Variants in MAGI2 observed in about 807,000 individuals in gnomAD.
The protein encoded by MAGI2 is membrane-associated guanylate kinase, WW and PDZ domain-containing protein 2.
In MAGI2, 35 loss-of-function variants were observed where a neutral mutation model predicts 133.3. That is an observed-to-expected ratio of 0.26 (90% CI 0.20 to 0.35). MAGI2 has a LOEUF of 0.35. MAGI2 is among the 10% of genes least tolerant of loss of function. The probability of loss-of-function intolerance (pLI) is 1.00; values close to 1 mark genes in which losing one functional copy is unlikely to be tolerated. For missense variants in MAGI2, 1,636 were observed against 1,863.4 expected (o/e 0.88, Z 2.25); for synonymous variants, 729 against 710.6 (o/e 1.03, Z -0.41).
At chr7:78,961,751 C>G (rs1434370488) in intron 2 of MAGI2, among the ~76,000 whole-genome samples, 1 of 152,070 alleles carries the variant, frequency 6.6e-6, no homozygotes, top group African/African-American at 2.4e-5. Context: ...ATTTTATCGT[C>G]TAAATACAGT....
chr7:78,763,724 C>T (rs568606866), intron 2 of MAGI2, among the ~76,000 whole-genome samples: 11 of 136,908 alleles, frequency 8.0e-5, no homozygotes, highest in African/African-American at 2.8e-4. Flanking sequence ...AAGGAAAGTA[C>T]AAAAAAATAA....
At chr7:78,820,314 T>C (rs1038128386) in intron 2 of MAGI2, among the ~76,000 whole-genome samples, 2 of 151,878 alleles carry the variant, frequency 1.3e-5, no homozygotes, top group African/African-American at 2.4e-5. Context: ...ATAATTATAA[T>C]CATAAGAATG....
chr7:78,560,895 C>G (rs1012271258), intron 3 of MAGI2, among the ~76,000 whole-genome samples: 4 of 152,136 alleles, frequency 2.6e-5, no homozygotes, highest in African/African-American at 9.7e-5. Context: ...TGAGGCATAG[C>G]TCAGGATTTA....
intron 10 of MAGI2, among the ~76,000 whole-genome samples, chr7:78,203,258 T>C (rs1829435116): frequency 6.6e-6 from 1 of 152,228 alleles, no homozygotes; most frequent in African/African-American, 2.4e-5. Context: ...CTGGGATTCT[T>C]AGACTTTGAT....
At chr7:79,081,523 T>C (rs1054870852) in intron 1 of MAGI2, among the ~76,000 whole-genome samples, 4 of 152,120 alleles carry the variant, frequency 2.6e-5, no homozygotes, top group African/African-American at 2.4e-5. Context: ...GTTGAATAAA[T>C]GAACAAATAA....
chr7:78,661,702 A>G (rs932051040), intron 2 of MAGI2, among the ~76,000 whole-genome samples: 17 of 152,244 alleles, frequency 1.1e-4, no homozygotes, highest in Admixed American at 2.6e-4. Flanking sequence ...TCTATTCTTA[A>G]ATGACTGTCT....
intron 6 of MAGI2, among the ~76,000 whole-genome samples, chr7:78,450,740 G>A (rs368158963): frequency 2.0e-5 from 3 of 151,988 alleles, no homozygotes; most frequent in South Asian, 2.1e-4. Flanking sequence ...TTTCCACAAG[G>A]TGACGAAATG....
intron 1 of MAGI2, among the ~76,000 whole-genome samples, chr7:79,425,253 GA>G (rs398047789): frequency 0.26 from 32,449 of 125,310 alleles, 4,856 homozygotes; most frequent in African/African-American, 0.47. Context: ...CTCCGTCTCA[GA>G]AAAAAAAAAA....
At chr7:78,503,080 A>C (rs1405200204) in intron 4 of MAGI2, among the ~76,000 whole-genome samples, 1 of 152,214 alleles carries the variant, frequency 6.6e-6, no homozygotes, top group East Asian at 1.9e-4. Flanking sequence ...ACAAAAGAGC[A>C]TCAGACCTTT....
chr7:78,176,384 T>G (rs1826607895), intron 14 of MAGI2, among the ~76,000 whole-genome samples: 1 of 152,066 alleles, frequency 6.6e-6, no homozygotes, highest in South Asian at 2.1e-4. Context: ...AATTCGGAAA[T>G]AAGTCTTTTT....
chr7:78,252,342 A>C (rs917527086), intron 10 of MAGI2: 3 of 152,118 alleles, frequency 2.0e-5, no homozygotes, highest in African/African-American at 7.2e-5. Flanking sequence ...ATGGAACAGA[A>C]TAGGGCATCT....
In MAGI2 at chr7:79,440,727, CA is replaced by C. The variant is rs553892669; in HGVS notation, c.301+12292del. Among the ~76,000 whole-genome samples, 324 of 150,610 alleles carry C rather than the reference CA, an allele frequency of 2.2e-3. 1 individual carries two copies. The highest frequency in any genetic ancestry group is 6.9e-3 in the African/African-American group (283 of 41,086). On this transcript the variant is annotated intron_variant, in intron 1 of 21. Coordinates refer to ENST00000354212, the MANE Select transcript of MAGI2 (RefSeq NM_012301.4). ...TAAGAATTATTTTGGCTGCAAGTAA[CA>C]AAAAAAAATGTAAATGGCTTAAATA...
chr7:78,229,060 T>C (rs550064122), intron 10 of MAGI2, among the ~76,000 whole-genome samples: 1 of 152,010 alleles, frequency 6.6e-6, no homozygotes, highest in East Asian at 1.9e-4. Flanking sequence ...CTGAGCAGAG[T>C]AGATTTGATG....
chr7:78,358,180 A>T (rs1289684202), intron 7 of MAGI2: 3 of 58,530 alleles, frequency 5.1e-5, no homozygotes, highest in Non-Finnish European at 9.9e-5. Flanking sequence ...AAAAAAAAAA[A>T]AAAAAAAAAA....
chr7:79,328,236 G>T (rs566115410), intron 1 of MAGI2, among the ~76,000 whole-genome samples: 13 of 152,126 alleles, frequency 8.5e-5, no homozygotes, highest in African/African-American at 3.1e-4. Flanking sequence ...TTTTTCATAG[G>T]TTCATATAGT....
At chr7:78,102,175 A>G (rs1178762369) in intron 20 of MAGI2, among the ~76,000 whole-genome samples, 2 of 152,184 alleles carry the variant, frequency 1.3e-5, no homozygotes, top group Non-Finnish European at 2.9e-5. Flanking sequence ...GAAACAGAGT[A>G]AAATGATGGT....
intron 21 of MAGI2, among the ~76,000 whole-genome samples, chr7:78,038,178 T>G (rs1238553449): frequency 6.6e-6 from 1 of 152,236 alleles, no homozygotes; most frequent in African/African-American, 2.4e-5. Flanking sequence ...TCTTGTTCAC[T>G]GTTGCAATTT....
chr7:78,957,067 C>G (rs1464945632), intron 2 of MAGI2, among the ~76,000 whole-genome samples: 2 of 152,032 alleles, frequency 1.3e-5, no homozygotes, highest in Admixed American at 1.3e-4. Context: ...AGTTCGAGAT[C>G]AGCCTGACCA....
At chr7:79,076,077 A>T (rs1363576104) in intron 1 of MAGI2, among the ~76,000 whole-genome samples, 1 of 152,208 alleles carries the variant, frequency 6.6e-6, no homozygotes, top group Non-Finnish European at 1.5e-5. Flanking sequence ...GACAAAAGAC[A>T]AGCAAAAATA....
Sources: allele counts gnomAD v4.1 joint callset (sites outside exome capture counted in the v4.1 genomes callset), GRCh38; gene constraint gnomAD v4.1.1; transcripts MANE v1.5; gene names NCBI Gene and HGNC (gene_info 2026-07-23, HGNC 2026-07-21).